Variants in C12orf42 observed in about 807,000 individuals in gnomAD.
C12orf42 encodes uncharacterized protein C12orf42.
In C12orf42, 25 loss-of-function variants were observed where a neutral mutation model predicts 21.6. The ratio of observed to expected loss-of-function variants is 1.16; its 90% confidence interval spans 0.84 to 1.62. The LOEUF (loss-of-function observed/expected upper bound fraction) is 1.62. C12orf42 is among the 40% of genes most tolerant of loss of function. The pLI, the probability that C12orf42 is intolerant of heterozygous loss-of-function variation, is 0.00. For synonymous variants in C12orf42, 174 were observed against 175.0 expected (o/e 0.99, Z 0.05); for missense variants, 483 against 459.3 (o/e 1.05, Z -0.47).
intron 2 of C12orf42, among the ~76,000 whole-genome samples, chr12:103,473,340 T>C (rs1953774361): frequency 6.6e-6 from 1 of 152,224 alleles, no homozygotes; most frequent in South Asian, 2.1e-4. Flanking sequence ...GCTTTGATCC[T>C]ATGATAATAC....
chr12:103,085,788 C>A, the C12orf42 span, among the ~76,000 whole-genome samples: 6 of 152,256 alleles, frequency 3.9e-5, no homozygotes, highest in Non-Finnish European at 5.9e-5. Context: ...CCTGTTCAGG[C>A]CACTTTAGCA....
chr12:103,531,804 T>C, the C12orf42 span, among the ~76,000 whole-genome samples: 2 of 152,244 alleles, frequency 1.3e-5, no homozygotes, highest in African/African-American at 4.8e-5. Context: ...AGGTTGTTGG[T>C]TGAAGACAAA....
Position 103,274,140 on chromosome 12 carries a change from G to T in C12orf42, n.398+3010C>A, listed in dbSNP as rs759636603. ...ATCCTCACAACATCCTAGGAAATAGGTACTGATAGTAATTCTGTTTTACAG... is the reference window on the plus strand; with the variant it reads ...ATCCTCACAACATCCTAGGAAATAGTTACTGATAGTAATTCTGTTTTACAG... On this transcript the variant is annotated intron_variant and non_coding_transcript_variant, in intron 5 of 6. Coordinates refer to the C12orf42 transcript ENST00000546526. 2.0e-5 allele frequency among the ~76,000 whole-genome samples: 3 copies of T among 152,150 alleles called. No individual in the cohort carries two copies. The South Asian group carries it at 6.2e-4, about 32-fold the overall frequency.
At chr12:103,156,173 G>T in the C12orf42 span, 1 of 152,116 alleles carries the variant, frequency 6.6e-6, no homozygotes, top group African/African-American at 2.4e-5. Flanking sequence ...ATGTTCTAGT[G>T]ACCAGGCCAC....
intron 4 of C12orf42, among the ~76,000 whole-genome samples, chr12:103,340,711 TA>T (rs1275883707): frequency 6.6e-6 from 1 of 151,992 alleles, no homozygotes; most frequent in African/African-American, 2.4e-5. Flanking sequence ...AAAGACCTTT[TA>T]AAAGACTCAA....
At chr12:103,265,123 G>A (rs1388574045), downstream of C12orf42, among the ~76,000 whole-genome samples, 1 of 152,074 alleles carries the variant, frequency 6.6e-6, no homozygotes. Context: ...GAGGGCTAGA[G>A]GGTCTCTTTT....
chr12:103,162,651 G>A, the C12orf42 span: 4 of 152,058 alleles, frequency 2.6e-5, no homozygotes, highest in South Asian at 2.1e-4. Context: ...GACTCCAAAG[G>A]CAGGTTGCAC....
At chr12:103,268,278 T>G (rs529977577), downstream of C12orf42, 18 of 152,172 alleles carry the variant, frequency 1.2e-4, no homozygotes, top group Admixed American at 2.0e-4. Flanking sequence ...ATCATGAGCA[T>G]CCTGAAGGCA....
intron 2 of C12orf42, among the ~76,000 whole-genome samples, chr12:103,451,263 G>A (rs1454374163): frequency 6.6e-6 from 1 of 151,784 alleles, no homozygotes; most frequent in East Asian, 1.9e-4. Flanking sequence ...GTCTCACTCT[G>A]TTGCCCAGGC....
intron 3 of C12orf42, among the ~76,000 whole-genome samples, chr12:103,395,359 G>A (rs1228223333): frequency 8.9e-5 from 13 of 145,880 alleles, no homozygotes; most frequent in African/African-American, 2.5e-4. Context: ...TTTTTGAGAC[G>A]GAGTCTCACT....
chr12:103,236,869 A>G (rs998369539), downstream of C12orf42, among the ~76,000 whole-genome samples: 9 of 152,320 alleles, frequency 5.9e-5, no homozygotes, highest in African/African-American at 2.2e-4. Flanking sequence ...AAGAAAATCA[A>G]TCTTTCGTTA....
At chr12:103,151,638 A>G in the C12orf42 span, among the ~76,000 whole-genome samples, 1 of 152,328 alleles carries the variant, frequency 6.6e-6, no homozygotes, top group African/African-American at 2.4e-5. Context: ...TCACACAAAA[A>G]AAGAAAAATA....
intron 4 of C12orf42, among the ~76,000 whole-genome samples, chr12:103,279,664 G>A (rs1264204554): frequency 6.6e-6 from 1 of 152,206 alleles, no homozygotes; most frequent in Non-Finnish European, 1.5e-5. Context: ...GACTAGGTGT[G>A]TGGTTGAAAA....
intron 2 of C12orf42, among the ~76,000 whole-genome samples, chr12:103,469,527 A>G (rs1008892014): frequency 6.6e-6 from 1 of 152,196 alleles, no homozygotes; most frequent in African/African-American, 2.4e-5. Context: ...GCCACATAAT[A>G]TCACTATTTG....
At chr12:103,534,099 A>C in the C12orf42 span, among the ~76,000 whole-genome samples, 2 of 152,244 alleles carry the variant, frequency 1.3e-5, no homozygotes, top group South Asian at 4.1e-4. Context: ...AAATAGATTA[A>C]GGACCTATAT....
the C12orf42 span, among the ~76,000 whole-genome samples, chr12:103,157,055 C>A: frequency 1.3e-5 from 2 of 152,192 alleles, no homozygotes; most frequent in African/African-American, 4.8e-5. Flanking sequence ...GCCACACTGT[C>A]TTCCACAATA....
the C12orf42 span, among the ~76,000 whole-genome samples, chr12:103,140,471 T>C: frequency 6.6e-6 from 1 of 152,146 alleles, no homozygotes; most frequent in African/African-American, 2.4e-5. Context: ...GTCCCATGCC[T>C]GGGAATACTT....
intron 2 of C12orf42, among the ~76,000 whole-genome samples, chr12:103,444,288 A>G (rs1951441702): frequency 6.6e-6 from 1 of 152,084 alleles, no homozygotes; most frequent in Admixed American, 6.6e-5. Flanking sequence ...CGTGGGATTC[A>G]TGGGTTTCAC....
At chr12:103,496,881 A>G (rs1955570812), upstream of C12orf42, among the ~76,000 whole-genome samples, 1 of 150,116 alleles carries the variant, frequency 6.7e-6, no homozygotes, top group African/African-American at 2.5e-5. Context: ...TCAAAGGTCT[A>G]GCAACTCTTG....
Sources: gnomAD v4.1 joint callset for allele counts (sites outside exome capture counted in the v4.1 genomes callset) on GRCh38, gnomAD v4.1.1 for gene constraint, MANE v1.5 for transcripts, NCBI Gene and HGNC (gene_info 2026-07-23, HGNC 2026-07-21) for gene names.